Variants in AAR2 observed in about 807,000 individuals in gnomAD.
The protein encoded by AAR2 is protein AAR2 homolog.
Under a neutral mutation model 26.9 loss-of-function variants are expected in AAR2, and 31 were observed. That is an observed-to-expected ratio of 1.15 (90% CI 0.86 to 1.55). AAR2 has a LOEUF of 1.55. AAR2 is among the 40% of genes most tolerant of loss of function. AAR2 has a pLI of 0.00. For synonymous variants in AAR2, 188 were observed against 196.1 expected (o/e 0.96, Z 0.34); for missense variants, 430 against 491.3 (o/e 0.88, Z 1.18).
intron 3 of AAR2, among the ~76,000 whole-genome samples, chr20:36,248,156 C>T (rs2064752293): frequency 6.6e-6 from 1 of 152,070 alleles, no homozygotes; most frequent in Admixed American, 6.5e-5. Context: ...CTGTCTCAAT[C>T]TCTGTCTCTC....
intron 3 of AAR2, among the ~76,000 whole-genome samples, chr20:36,245,294 T>C (rs1317126459): frequency 1.3e-5 from 2 of 152,240 alleles, no homozygotes; most frequent in African/African-American, 4.8e-5. Context: ...CAGTGAAACA[T>C]CTGCAGCTCC....
Position 36,244,833 on chromosome 20 carries a change from C to G in AAR2, c.894C>G (p.Leu298=), listed in dbSNP as rs117200013. ...AGCACCACACCCTCTACATCAACCT[C>G]ATCTCCATCCTGTACCACCAGCTTG... ...MMKHHTLYIN[L]ISILYHQLGE... The change falls in exon 3 of 4, where the codon CTC becomes CTG. Residue 298 remains leucine (L), a synonymous_variant. Transcript: ENST00000320849. The G allele has an allele frequency of 2.5e-5, 40 of 1,614,088 alleles. 1 individual carries two copies. Among genetic ancestry groups the G allele is most frequent in the Non-Finnish European group, 3.4e-5 (40 of 1,180,044 alleles).
At chr20:36,249,952 A>C (rs2064768355) in intron 3 of AAR2, among the ~76,000 whole-genome samples, 1 of 152,158 alleles carries the variant, frequency 6.6e-6, no homozygotes, top group African/African-American at 2.4e-5. Context: ...TTTTAACACC[A>C]CTTTCTTCTG....
chr20:36,240,712 G>C, intron 2 of AAR2, 87 bp downstream of exon 2: 1 of 1,476,976 alleles, frequency 6.8e-7, no homozygotes, highest in East Asian at 2.4e-5. Flanking sequence ...TCTTGTGTTA[G>C]TCCAGCAGCA....
intron 3 of AAR2, among the ~76,000 whole-genome samples, chr20:36,250,526 A>G (rs2064772133): frequency 6.6e-6 from 1 of 152,234 alleles, no homozygotes; most frequent in Non-Finnish European, 1.5e-5. Context: ...ACTAAGTACT[A>G]TTTAGACATC....
chr20:36,243,761 T>C (rs1032239652), intron 2 of AAR2, among the ~76,000 whole-genome samples: 4 of 152,228 alleles, frequency 2.6e-5, no homozygotes, highest in African/African-American at 9.6e-5. Flanking sequence ...ACTATATCCA[T>C]TCATGTAATC....
intron 1 of AAR2, 122 bp from the exon 2 acceptor site, chr20:36,239,699 T>G (rs2064654672): frequency 6.6e-6 from 5 of 754,190 alleles, no homozygotes; most frequent in Non-Finnish European, 1.0e-5. Flanking sequence ...AGGGTTGTCA[T>G]GAGGATTAAG....
Position 36,240,019 on chromosome 20 carries a change from A to G in AAR2, c.151A>G (p.Ile51Val). The G allele has an allele frequency of 6.2e-7, 1 of 1,614,198 alleles. No homozygotes were observed. The highest frequency in any genetic ancestry group is 8.5e-7 in the Non-Finnish European group (1 of 1,180,044). Residue 51 changes from isoleucine (I) to valine (V), a missense_variant, in exon 2 of 4, where the codon ATC (isoleucine) becomes GTC (valine). By Grantham distance (29) the Ile-to-Val change is conservative. Coordinates refer to ENST00000320849, the MANE Select transcript of AAR2 (RefSeq NM_001271874.2). ...GCCCAAGTTCCGGGGCGTGAAGATG[A>G]TCCCTCCAGGCATCCACTTCCTCCA... ...VGPKFRGVKMIPPGIHFLHYS... is the reference protein window; with the variant it reads ...VGPKFRGVKMVPPGIHFLHYS...
chr20:36,237,749 CGTA>C lies in AAR2; in HGVS notation c.-49+1247_-49+1249del, dbSNP rs1569422246. ...CAGGATTACAAATAGGAAGATGATA[CGTA>C]TTATTATTATTATTATTATTATTAT... On this transcript the variant is annotated intron_variant, in intron 1 of 3. Transcript: ENST00000320849. 5.5e-5 allele frequency among the ~76,000 whole-genome samples: 7 copies of C among 128,294 alleles called. No individual in the cohort carries two copies. In the South Asian group the frequency reaches 1.8e-3, roughly 34 times the overall value. 84.2% of individuals were successfully genotyped at this position (128,294 alleles called of 152,430 possible).
intron 3 of AAR2, among the ~76,000 whole-genome samples, chr20:36,245,362 A>C (rs926013449): frequency 6.6e-6 from 1 of 152,248 alleles, no homozygotes; most frequent in African/African-American, 2.4e-5. Context: ...AAAATGTGCC[A>C]GTTTCTGCAG....
In AAR2 at chr20:36,240,262, A is replaced by G; in HGVS notation, c.394A>G (p.Lys132Glu). The G allele has an allele frequency of 4.3e-6, 7 of 1,614,176 alleles. No homozygotes were observed. Among genetic ancestry groups the G allele is most frequent in the Non-Finnish European group, 5.9e-6 (7 of 1,180,024 alleles). Residue 132 changes from lysine to glutamate, a missense_variant, in exon 2 of 4, where the codon AAG (lysine) becomes GAG (glutamate). Transcript: ENST00000320849. ...GCCTTACCCATATGCCACCCTGAAGAAGTGGATCTCACTCACCAACTTCAT... is the reference window on the plus strand; with the variant it reads ...GCCTTACCCATATGCCACCCTGAAGGAGTGGATCTCACTCACCAACTTCAT... ...LGPYPYATLK[K>E]WISLTNFISE...
At chr20:36,245,732 A>G (rs2064728279) in intron 3 of AAR2, among the ~76,000 whole-genome samples, 1 of 152,196 alleles carries the variant, frequency 6.6e-6, no homozygotes, top group Non-Finnish European at 1.5e-5. Flanking sequence ...CATTCGTTAA[A>G]TATTGGGGCT....
chr20:36,240,700 C>T (rs1460538352), intron 2 of AAR2, 75 bp downstream of exon 2: 30 of 1,508,968 alleles, frequency 2.0e-5, no homozygotes, highest in Non-Finnish European at 2.2e-5. Flanking sequence ...ATAGGGAGTA[C>T]ATCTTGTGTT....
intron 1 of AAR2, 34 bp from the exon 2 acceptor site, chr20:36,239,787 C>T (rs575362486): frequency 1.2e-5 from 18 of 1,472,304 alleles, no homozygotes; most frequent in African/African-American, 7.0e-5. Flanking sequence ...CTTTCCCCCA[C>T]GTTCTGATTA....
intron 1 of AAR2, among the ~76,000 whole-genome samples, chr20:36,238,982 T>G (rs939534240): frequency 6.6e-6 from 1 of 152,132 alleles, no homozygotes; most frequent in Non-Finnish European, 1.5e-5. Context: ...CATAATGGTT[T>G]GTTTACATTT....
intron 3 of AAR2, among the ~76,000 whole-genome samples, chr20:36,253,887 TA>T (rs2064799260): frequency 6.6e-6 from 1 of 152,220 alleles, no homozygotes; most frequent in Non-Finnish European, 1.5e-5. Flanking sequence ...CAAACTGCAG[TA>T]AGATACTACC....
chr20:36,241,273 T>C (rs936633475), intron 2 of AAR2, among the ~76,000 whole-genome samples: 1 of 152,234 alleles, frequency 6.6e-6, no homozygotes, highest in African/African-American at 2.4e-5. Context: ...TTTATTTCTA[T>C]GTACTTCCTC....
intron 2 of AAR2, among the ~76,000 whole-genome samples, chr20:36,244,242 G>C (rs2064711419): frequency 6.6e-6 from 1 of 152,158 alleles, no homozygotes; most frequent in South Asian, 2.1e-4. Flanking sequence ...ATCACCTGGG[G>C]AGCTTGTTAG....
At position 36,253,785 on chromosome 20, in the gene AAR2, G is replaced by A. The variant is rs1232226136; in HGVS notation, c.988-1793G>A. On this transcript the variant is annotated intron_variant, in intron 3 of 3. Transcript: ENST00000320849. ...CAATTTACAAATGGGCAAGGAAGTT[G>A]AATGGACATTTCACCAAAGAAGATA... 2.0e-5 allele frequency among the ~76,000 whole-genome samples: 3 copies of A among 152,244 alleles called. No homozygotes were observed. In the East Asian group the frequency reaches 5.8e-4, roughly 29 times the overall value.
Sources: allele counts gnomAD v4.1 joint callset (sites outside exome capture counted in the v4.1 genomes callset), GRCh38; gene constraint gnomAD v4.1.1; transcripts MANE v1.5; gene names NCBI Gene and HGNC (gene_info 2026-07-23, HGNC 2026-07-21).